The following TNFRSF19 variants were observed in gnomAD, a reference collection of about 807,000 sequenced individuals.
TNFRSF19 encodes TNF receptor superfamily member 19.
Under a neutral mutation model 46.4 loss-of-function variants are expected in TNFRSF19, and 27 were observed. The ratio of observed to expected loss-of-function variants is 0.58; its 90% CI spans 0.43 to 0.80. The LOEUF (loss-of-function observed/expected upper bound fraction) is 0.80, where lower values mean the gene tolerates loss of function less well. TNFRSF19 is among the 30% of genes least tolerant of loss of function. TNFRSF19 has a pLI of 0.00. For synonymous variants in TNFRSF19, 204 were observed against 205.0 expected (o/e 1.00, Z 0.04); for missense variants, 511 against 530.8 (o/e 0.96, Z 0.37).
At chr13:23,662,870 T>C (rs1884457369) in intron 7 of TNFRSF19, among the ~76,000 whole-genome samples, 1 of 152,218 alleles carries the variant, frequency 6.6e-6, no homozygotes, top group Non-Finnish European at 1.5e-5. Context: ...AGATTTTGTA[T>C]CCTGGAACTT....
chr13:23,616,103 C>A, intron 4 of TNFRSF19, 58 bp downstream of exon 4: 1 of 1,516,290 alleles, frequency 6.6e-7, no homozygotes. Flanking sequence ...TTTAAAAAGG[C>A]AATTCCCTTG....
chr13:23,655,169 C>T (rs1883899997), intron 5 of TNFRSF19, among the ~76,000 whole-genome samples: 1 of 152,182 alleles, frequency 6.6e-6, no homozygotes, highest in Non-Finnish European at 1.5e-5. Flanking sequence ...TCCTTTTCTT[C>T]TATTCAGATT....
intron 3 of TNFRSF19, among the ~76,000 whole-genome samples, chr13:23,612,493 G>A (rs1880975423): frequency 1.3e-5 from 2 of 152,240 alleles, no homozygotes; most frequent in African/African-American, 2.4e-5. Context: ...ACACCATACT[G>A]TAATTTAATT....
At position 23,619,985 on chromosome 13, in the gene TNFRSF19, T is replaced by C. The variant is rs1162945958; in HGVS notation, c.359+3940T>C. ...GTTTCTACAGTGTTTGTTTATTCTT[T>C]AGGTAAATACTTAGCTATAGGAAAG... On this transcript the variant is annotated intron_variant, in intron 4 of 9. Coordinates refer to ENST00000248484, the MANE Select transcript of TNFRSF19 (RefSeq NM_148957.4). Among the ~76,000 whole-genome samples, 2 of 152,242 alleles carry C rather than the reference T, an allele frequency of 1.3e-5. 1 individual carries two copies. Among genetic ancestry groups the C allele is most frequent in the South Asian group, 4.1e-4 (2 of 4,836 alleles).
chr13:23,668,137 C>T, intron 8 of TNFRSF19, 55 bp downstream of exon 8: 1 of 1,404,686 alleles, frequency 7.1e-7, no homozygotes, highest in Non-Finnish European at 9.7e-7. Flanking sequence ...AATATGCATT[C>T]TACTAATTTA....
At chr13:23,601,965 C>T (rs1450534011) in intron 3 of TNFRSF19, among the ~76,000 whole-genome samples, 2 of 151,982 alleles carry the variant, frequency 1.3e-5, no homozygotes, top group Non-Finnish European at 2.9e-5. Context: ...GAAATAAGAA[C>T]AAATAAGAAG....
chr13:23,578,732 C>T (rs948929106), intron 1 of TNFRSF19, among the ~76,000 whole-genome samples: 4 of 152,272 alleles, frequency 2.6e-5, no homozygotes, highest in Non-Finnish European at 5.9e-5. Flanking sequence ...TTCTCTTAAC[C>T]CTTTCAGCAA....
At chr13:23,585,998 C>T (rs1223702858) in intron 1 of TNFRSF19, among the ~76,000 whole-genome samples, 1 of 152,086 alleles carries the variant, frequency 6.6e-6, no homozygotes, top group East Asian at 1.9e-4. Flanking sequence ...TAGCCGGGCG[C>T]GGTGGCTCAC....
intron 3 of TNFRSF19, among the ~76,000 whole-genome samples, chr13:23,601,862 A>G (rs760042975): frequency 4.6e-5 from 7 of 152,216 alleles, no homozygotes; most frequent in Non-Finnish European, 8.8e-5. Flanking sequence ...AACAAGTATA[A>G]AAAGAAGTAT....
chr13:23,653,385 A>G (rs1033574567), intron 5 of TNFRSF19, among the ~76,000 whole-genome samples: 2 of 152,176 alleles, frequency 1.3e-5, no homozygotes, highest in African/African-American at 4.8e-5. Context: ...CTACCTTGGG[A>G]GAGAATGACA....
intron 7 of TNFRSF19, among the ~76,000 whole-genome samples, chr13:23,663,494 C>T (rs975437416): frequency 3.9e-5 from 6 of 152,100 alleles, no homozygotes; most frequent in Non-Finnish European, 8.8e-5. Flanking sequence ...TGTTGTATCT[C>T]TGCCAAATTT....
chr13:23,655,651 A>C (rs1883930997), intron 5 of TNFRSF19, among the ~76,000 whole-genome samples: 1 of 152,154 alleles, frequency 6.6e-6, no homozygotes, highest in East Asian at 1.9e-4. Context: ...AGCGTAGATA[A>C]GTTCTTTTCT....
chr13:23,597,856 C>T (rs1411716703), intron 3 of TNFRSF19, among the ~76,000 whole-genome samples: 1 of 152,124 alleles, frequency 6.6e-6, no homozygotes, highest in Non-Finnish European at 1.5e-5. Flanking sequence ...CAATAAAATA[C>T]TGGCAAACTG....
At chr13:23,577,490 GTTT>G (rs1878040172) in intron 1 of TNFRSF19, among the ~76,000 whole-genome samples, 1 of 152,194 alleles carries the variant, frequency 6.6e-6, no homozygotes, top group Non-Finnish European at 1.5e-5. Flanking sequence ...CTCTGAAAGT[GTTT>G]TTAACTCCTT....
chr13:23,668,556 A>G, intron 8 of TNFRSF19, 136 bp from the exon 9 acceptor site: 1 of 1,071,186 alleles, frequency 9.3e-7, no homozygotes, highest in Non-Finnish European at 1.3e-6. Context: ...AGTTTATAAC[A>G]ATAGGAAACA....
At chr13:23,653,566 TGCAGTCCTTGCG>T (rs549278777) in intron 5 of TNFRSF19, among the ~76,000 whole-genome samples, 106 of 152,184 alleles carry the variant, frequency 7.0e-4, no homozygotes, top group Non-Finnish European at 1.3e-3. Context: ...GCAGCTGAGG[TGCAGTCCTTGCG>T]GCAGTCTAGG....
At chr13:23,644,275 G>A (rs976493066) in intron 5 of TNFRSF19, among the ~76,000 whole-genome samples, 8 of 152,166 alleles carry the variant, frequency 5.3e-5, no homozygotes, top group Non-Finnish European at 8.8e-5. Context: ...ATCTCATCTC[G>A]TAGTTCCCAT....
chr13:23,621,117 T>G (rs747384765), intron 4 of TNFRSF19, among the ~76,000 whole-genome samples: 1 of 152,230 alleles, frequency 6.6e-6, no homozygotes, highest in South Asian at 2.1e-4. Flanking sequence ...AGGGACTGCC[T>G]CCGTCCGTGT....
In TNFRSF19 at chr13:23,659,727, G is replaced by A. The variant is rs1884227744; in HGVS notation, c.610+513G>A. On this transcript the variant is annotated intron_variant, in intron 6 of 9. Coordinates refer to ENST00000248484, the MANE Select transcript of TNFRSF19 (RefSeq NM_148957.4). This position sits in a 1 kb window ranked among gnomAD's most constrained non-coding sequence, Gnocchi z 4.9. The stretch of plus-strand genomic sequence containing the variant: ...TCACCATGTTGGCCAGGCTGGTCTC[G>A]AACTCCTGACCTCGTGATCCGCCTG... Among the ~76,000 whole-genome samples, 1 of 151,998 alleles carries A rather than the reference G, an allele frequency of 6.6e-6. No homozygotes were observed. The highest frequency in any genetic ancestry group is 2.1e-4 in the South Asian group (1 of 4,816).
Sources: gnomAD v4.1 joint callset for allele counts (sites outside exome capture counted in the v4.1 genomes callset) on GRCh38, gnomAD v4.1.1 for gene constraint, Gnocchi (gnomAD v3.1) non-coding constraint, MANE v1.5 for transcripts, NCBI Gene and HGNC (gene_info 2026-07-23, HGNC 2026-07-21) for gene names.